Variants in MAPKAPK2 observed in about 807,000 individuals in gnomAD.
MAPKAPK2 encodes MAPK activated protein kinase 2.
Under a neutral mutation model 48.8 loss-of-function variants are expected in MAPKAPK2, and 9 were observed. That is an observed-to-expected ratio of 0.18 (90% confidence interval 0.11 to 0.32). The LOEUF (loss-of-function observed/expected upper bound fraction) is 0.32. Among genes scored for constraint, MAPKAPK2 ranks in the 10% least tolerant of loss-of-function variants. The pLI is 1.00. For synonymous variants in MAPKAPK2, 202 were observed against 190.6 expected (o/e 1.06, Z -0.49); for missense variants, 331 against 498.3 (o/e 0.66, Z 3.20).
In MAPKAPK2 at chr1:206,725,501, A is replaced by T. The variant is rs528168459; in HGVS notation, c.280-3209A>T. On this transcript the variant is annotated intron_variant, in intron 1 of 9. Coordinates refer to ENST00000367103, the MANE Select transcript of MAPKAPK2 (RefSeq NM_032960.4). ...ATGAATGCCTTTCTGATAATAAAGC[A>T]CTTTTAGAGGTATTATTTCATTAGA... 3.9e-5 allele frequency among the ~76,000 whole-genome samples: 6 copies of T among 152,218 alleles called. No individual in the cohort carries two copies. In the South Asian group the frequency reaches 1.2e-3, roughly 32 times the overall value.
rs151079567 is a variant in MAPKAPK2 at position 206,728,735 on chromosome 1, G to T, written c.305G>T (p.Arg102Leu). 2.5e-6 allele frequency: 4 copies of T among 1,614,002 alleles called. No individual in the cohort carries two copies. The highest frequency in any genetic ancestry group is 2.7e-5 in the African/African-American group (2 of 74,934). ...LKMLQDCPKARREVELHWRAS... is the reference protein window; with the variant it reads ...LKMLQDCPKALREVELHWRAS... ...ATGCTTCAGGACTGCCCCAAGGCCC[G>T]CAGGGAGGTGGAGCTGCACTGGCGG... is the stretch of plus-strand genomic sequence containing the variant. The change falls in exon 2 of 10, where the codon CGC (arginine) becomes CTC (leucine). Residue 102 changes from arginine to leucine, a missense_variant. By Grantham distance (102) the Arg-to-Leu change is moderately radical. Coordinates refer to ENST00000367103, the MANE Select transcript of MAPKAPK2 (RefSeq NM_032960.4).
chr1:206,730,599 G>T, intron 5 of MAPKAPK2, 89 bp from the exon 6 acceptor site: 7 of 1,138,022 alleles, frequency 6.2e-6, no homozygotes, highest in Non-Finnish European at 9.3e-6. Flanking sequence ...AGGCTGAAAG[G>T]TTGGGATGGG....
intron 1 of MAPKAPK2, among the ~76,000 whole-genome samples, chr1:206,690,065 G>A (rs1269655949): frequency 2.0e-5 from 3 of 152,216 alleles, no homozygotes; most frequent in African/African-American, 7.2e-5. Context: ...GAACTGAGGG[G>A]AGGAACAGGA....
rs1672270070 is a variant in MAPKAPK2 at position 206,685,751 on chromosome 1, T to G, written c.279+243T>G. On this transcript the variant is annotated intron_variant, in intron 1 of 9. Coordinates refer to ENST00000367103, the MANE Select transcript of MAPKAPK2 (RefSeq NM_032960.4). ...AGCCCTGGGACCCGCTCCTGGGGAC[T>G]CAGGGGACCCTGCCATTTTGGGGTT... is the stretch of plus-strand genomic sequence containing the variant. 3.3e-5 allele frequency among the ~76,000 whole-genome samples: 5 copies of G among 151,522 alleles called. No individual in the cohort carries two copies. In the South Asian group the frequency reaches 1.0e-3, roughly 31 times the overall value.
intron 1 of MAPKAPK2, among the ~76,000 whole-genome samples, chr1:206,697,221 C>T (rs1672658052): frequency 6.6e-6 from 1 of 152,172 alleles, no homozygotes; most frequent in South Asian, 2.1e-4. Flanking sequence ...CAGCTCCTGG[C>T]ATTTTCTAGT....
Position 206,728,702 on chromosome 1 carries a change from G to T in MAPKAPK2, c.280-8G>T, listed in dbSNP as rs781973000. ...GCGCAGTTACTCAGAAAGCTGTTTG[G>T]CCTGCAGATGCTTCAGGACTGCCCC... On this transcript the variant is annotated splice_region_variant and splice_polypyrimidine_tract_variant and intron_variant, in intron 1 of 9. Transcript: ENST00000367103. The T allele has an allele frequency of 1.2e-6, 2 of 1,612,794 alleles. No individual in the cohort carries two copies. The highest frequency in any genetic ancestry group is 1.7e-6 in the Non-Finnish European group (2 of 1,179,572).
At chr1:206,697,925 C>T (rs1553427295) in intron 1 of MAPKAPK2, among the ~76,000 whole-genome samples, 1 of 152,262 alleles carries the variant, frequency 6.6e-6, no homozygotes, top group Non-Finnish European at 1.5e-5. Context: ...CACTCAGTTT[C>T]CTCATTGTAA....
At chr1:206,688,538 T>C (rs1558571127) in intron 1 of MAPKAPK2, among the ~76,000 whole-genome samples, 1 of 152,194 alleles carries the variant, frequency 6.6e-6, no homozygotes, top group Non-Finnish European at 1.5e-5. Context: ...CAACAGTAGC[T>C]TCATGCATTT....
intron 1 of MAPKAPK2, among the ~76,000 whole-genome samples, chr1:206,701,295 A>T (rs1159532090): frequency 6.6e-6 from 1 of 152,224 alleles, no homozygotes; most frequent in African/African-American, 2.4e-5. Flanking sequence ...GTTCCTCAGT[A>T]GTGCCAGCCA....
At chr1:206,729,604 C>G in intron 4 of MAPKAPK2, 129 bp downstream of exon 4, 1 of 793,776 alleles carries the variant, frequency 1.3e-6, no homozygotes, top group Non-Finnish European at 2.1e-6. Flanking sequence ...CCATTCTCTG[C>G]CTTGTAGGGC....
chr1:206,730,175 G>A (rs1005551988), intron 5 of MAPKAPK2, 77 bp downstream of exon 5: 6 of 1,568,680 alleles, frequency 3.8e-6, no homozygotes, highest in African/African-American at 2.7e-5. Context: ...TATCTGGGGG[G>A]CCGCAAATCC....
chr1:206,729,730 C>G (rs1673837316), intron 4 of MAPKAPK2, among the ~76,000 whole-genome samples: 1 of 147,508 alleles, frequency 6.8e-6, no homozygotes, highest in African/African-American at 2.4e-5. Context: ...CTTGGTTTCT[C>G]TGTTCCTGTG....
intron 1 of MAPKAPK2, among the ~76,000 whole-genome samples, chr1:206,701,095 A>G (rs1672779562): frequency 6.6e-6 from 1 of 152,170 alleles, no homozygotes; most frequent in East Asian, 1.9e-4. Context: ...GATCCAGTGC[A>G]TCTCTTCAGA....
chr1:206,687,394 C>A (rs1672320397), intron 1 of MAPKAPK2, among the ~76,000 whole-genome samples: 1 of 152,200 alleles, frequency 6.6e-6, no homozygotes, highest in East Asian at 1.9e-4. Flanking sequence ...AAATAACACT[C>A]ATAGTTTATC....
At chr1:206,702,401 C>A (rs1553428044) in intron 1 of MAPKAPK2, among the ~76,000 whole-genome samples, 1 of 152,196 alleles carries the variant, frequency 6.6e-6, no homozygotes, top group Non-Finnish European at 1.5e-5. Context: ...TGCAGAGATG[C>A]AACATCATTC....
intron 1 of MAPKAPK2, among the ~76,000 whole-genome samples, chr1:206,711,607 C>CTTT (rs781793889): frequency 0.019 from 2,220 of 115,440 alleles, 49 homozygotes; most frequent in Non-Finnish European, 0.026. Context: ...CTACCTCATT[C>CTTT]TTTTTTTTTT....
chr1:206,691,810 G>C (rs944659272), intron 1 of MAPKAPK2, among the ~76,000 whole-genome samples: 1 of 152,058 alleles, frequency 6.6e-6, no homozygotes, highest in African/African-American at 2.4e-5. Flanking sequence ...GCAGTATCTG[G>C]GTCAGCACAG....
intron 1 of MAPKAPK2, among the ~76,000 whole-genome samples, chr1:206,723,796 A>T (rs1403289936): frequency 1.3e-5 from 2 of 152,202 alleles, no homozygotes; most frequent in Non-Finnish European, 2.9e-5. Context: ...ACAGAGAGGC[A>T]TGGGACTGTA....
intron 1 of MAPKAPK2, among the ~76,000 whole-genome samples, chr1:206,708,156 T>C (rs1553428888): frequency 6.6e-6 from 1 of 152,220 alleles, no homozygotes; most frequent in Non-Finnish European, 1.5e-5. Context: ...AGATTCCCTG[T>C]TGGCTAAGTT....
Sources: gnomAD v4.1 joint callset for allele counts (sites outside exome capture counted in the v4.1 genomes callset) on GRCh38, gnomAD v4.1.1 for gene constraint, MANE v1.5 for transcripts, NCBI Gene and HGNC (gene_info 2026-07-23, HGNC 2026-07-21) for gene names.